SERPINC1: variants seen among roughly 807,000 people sequenced by gnomAD.
SERPINC1 encodes serpin family C member 1.
SERPINC1 carries 12 observed loss-of-function variants against 43.4 expected under a neutral mutation model. The observed-to-expected ratio is 0.28, with a 90% CI of 0.18 to 0.45. SERPINC1 has a LOEUF of 0.45. SERPINC1 is among the 20% of genes least tolerant of loss of function. The probability of loss-of-function intolerance (pLI) is 1.00; values close to 1 mark genes in which losing one functional copy is unlikely to be tolerated. For missense variants in SERPINC1, 423 were observed against 578.8 expected, an observed-to-expected ratio of 0.73 and a Z score of 2.76; for synonymous variants, 210 against 218.9, an observed-to-expected ratio of 0.96 and a Z score of 0.36.
chr1:173,911,967 G>A lies in SERPINC1; in HGVS notation c.456C>T (p.His152=). Reference sequence around the variant, plus strand: ...GGCAGTTCAGTTTGGCAAAGAAGAAGTGGATCTGATCAGATGTTTTCTCAG... The same window carrying A: ...GGCAGTTCAGTTTGGCAAAGAAGAAATGGATCTGATCAGATGTTTTCTCAG... ...TISEKTSDQI[H]FFFAKLNCRL... is the part of the protein sequence containing the mutation. Residue 152 remains histidine, a synonymous_variant, in exon 3 of 7, where the codon CAC becomes CAT. Coordinates refer to ENST00000367698, the MANE Select transcript of SERPINC1 (RefSeq NM_000488.4). 1 of 1,614,184 alleles carries A rather than the reference G, an allele frequency of 6.2e-7. No homozygotes were observed. The highest frequency in any genetic ancestry group is 1.3e-5 in the African/African-American group (1 of 75,050).
At chr1:173,914,452 A>T in intron 2 of SERPINC1, 101 bp downstream of exon 2, 1 of 1,317,352 alleles carries the variant, frequency 7.6e-7, no homozygotes, top group Non-Finnish European at 1.1e-6. Flanking sequence ...GAGCGCCCCT[A>T]GTGGCCTGCA....
intron 1 of SERPINC1, among the ~76,000 whole-genome samples, chr1:173,916,988 C>G (rs559911142): frequency 6.6e-6 from 1 of 152,220 alleles, no homozygotes; most frequent in South Asian, 2.1e-4. Context: ...GGATGACATC[C>G]CCCTTGTTTC....
At chr1:173,908,815 C>T (rs1246972971) in intron 5 of SERPINC1, among the ~76,000 whole-genome samples, 1 of 152,150 alleles carries the variant, frequency 6.6e-6, no homozygotes, top group African/African-American at 2.4e-5. Context: ...CCACCTCAGC[C>T]TCCCAAAGTG....
intron 5 of SERPINC1, among the ~76,000 whole-genome samples, chr1:173,907,984 A>AAATAAT (rs57195053): frequency 0.15 from 20,861 of 139,142 alleles, 1,663 homozygotes; most frequent in East Asian, 0.21. Context: ...TGCATCTCAA[A>AAATAAT]AATAATAATA....
intron 2 of SERPINC1, 124 bp downstream of exon 2, chr1:173,914,429 C>T (rs898234686): frequency 1.2e-5 from 12 of 1,036,022 alleles, no homozygotes; most frequent in Middle Eastern, 3.0e-4. Flanking sequence ...CAAAGGGAAT[C>T]GTAATGCATA....
At chr1:173,911,739 T>C in intron 3 of SERPINC1, 60 bp downstream of exon 3, 1 of 1,333,192 alleles carries the variant, frequency 7.5e-7, no homozygotes, top group Admixed American at 1.7e-5. Flanking sequence ...TTTCTCCACC[T>C]CCTCAATCTC....
chr1:173,908,319 G>A (rs898379181), intron 5 of SERPINC1, among the ~76,000 whole-genome samples: 9 of 151,102 alleles, frequency 6.0e-5, no homozygotes, highest in Admixed American at 1.3e-4. Flanking sequence ...GTGAAACCCC[G>A]TTTCTACTAA....
At chr1:173,905,311 A>G (rs533612087) in intron 6 of SERPINC1, among the ~76,000 whole-genome samples, 26 of 152,234 alleles carry the variant, frequency 1.7e-4, no homozygotes, top group African/African-American at 5.3e-4. Context: ...TACTCTTGCT[A>G]TTGTCTTAAA....
At chr1:173,910,955 G>C in intron 3 of SERPINC1, 64 bp from the exon 4 acceptor site, 1 of 1,578,574 alleles carries the variant, frequency 6.3e-7, no homozygotes, top group South Asian at 1.1e-5. Context: ...CATTTTCCCA[G>C]GCAGCATTTT....
At chr1:173,910,214 C>G (rs1657709990) in intron 4 of SERPINC1, among the ~76,000 whole-genome samples, 1 of 152,028 alleles carries the variant, frequency 6.6e-6, no homozygotes, top group South Asian at 2.1e-4. Context: ...TAATGCTATT[C>G]CATGCTAAGA....
chr1:173,909,096 G>A (rs1657654377), intron 5 of SERPINC1, among the ~76,000 whole-genome samples: 1 of 152,148 alleles, frequency 6.6e-6, no homozygotes, highest in Admixed American at 6.5e-5. Flanking sequence ...CCGGGAGGCA[G>A]AGGTTGCAGT....
chr1:173,913,585 G>A (rs777226568), intron 2 of SERPINC1, among the ~76,000 whole-genome samples: 2 of 152,146 alleles, frequency 1.3e-5, no homozygotes, highest in South Asian at 2.1e-4. Flanking sequence ...GGCCAGGCGC[G>A]GTGGCTTACG....
chr1:173,909,262 T>C (rs1027592288), intron 5 of SERPINC1, among the ~76,000 whole-genome samples: 21 of 152,324 alleles, frequency 1.4e-4, no homozygotes, highest in African/African-American at 4.6e-4. Context: ...TGAATTCCAA[T>C]GCCCTTTCAA....
At chr1:173,910,038 ATTAT>A in intron 4 of SERPINC1, 96 bp from the exon 5 acceptor site, 2 of 1,258,576 alleles carry the variant, frequency 1.6e-6, no homozygotes, top group Non-Finnish European at 2.3e-6. Context: ...TTAATATATA[ATTAT>A]TCGGAAAAAA....
chr1:173,905,152 C>T (rs953726605), intron 6 of SERPINC1, among the ~76,000 whole-genome samples: 1 of 152,118 alleles, frequency 6.6e-6, no homozygotes, highest in African/African-American at 2.4e-5. Flanking sequence ...AGAGTTAAAA[C>T]CCTGAGGACT....
At chr1:173,904,219 T>G (rs1278248670) in intron 6 of SERPINC1, among the ~76,000 whole-genome samples, 154 bp from the exon 7 acceptor site, 1 of 152,228 alleles carries the variant, frequency 6.6e-6, no homozygotes, top group Non-Finnish European at 1.5e-5. Flanking sequence ...GAATCCTACT[T>G]CTACTCATTC....
intron 6 of SERPINC1, among the ~76,000 whole-genome samples, chr1:173,905,551 C>A (rs556827051): frequency 6.6e-6 from 1 of 152,260 alleles, no homozygotes; most frequent in East Asian, 1.9e-4. Flanking sequence ...GAAACCCCGT[C>A]TCTACTAAAA....
At position 173,904,030 on chromosome 1, in the gene SERPINC1, G is replaced by T. The variant is rs559277597; in HGVS notation, c.1254C>A (p.Thr418=). 2.5e-6 allele frequency: 4 copies of T among 1,614,168 alleles called. No individual in the cohort carries two copies. Among genetic ancestry groups the T allele is most frequent in the South Asian group, 1.1e-5 (1 of 91,090 alleles). The change falls in exon 7 of 7, where the codon ACC becomes ACA. Residue 418 remains threonine, a synonymous_variant. Coordinates refer to ENST00000367698, the MANE Select transcript of SERPINC1 (RefSeq NM_000488.4). ...GCGAACGGCCAGCAATCACAACAGC[G>T]GTACTTGCAGCTGCTTCACTGCCTT... ...NEEGSEAAAS[T]AVVIAGRSLN... is the part of the protein sequence containing the mutation.
At chr1:173,905,699 C>T (rs1026990905) in intron 6 of SERPINC1, among the ~76,000 whole-genome samples, 4 of 150,624 alleles carry the variant, frequency 2.7e-5, no homozygotes, top group South Asian at 2.1e-4. Context: ...CCAGCCTAGG[C>T]GAGAGAGCAA....
Sources: allele counts gnomAD v4.1 joint callset (sites outside exome capture counted in the v4.1 genomes callset), GRCh38; gene constraint gnomAD v4.1.1; transcripts MANE v1.5; gene names NCBI Gene and HGNC (gene_info 2026-07-23, HGNC 2026-07-21).